Variants in UBE3D observed in about 807,000 individuals in gnomAD.
The protein encoded by UBE3D is E3 ubiquitin-protein ligase E3D.
In UBE3D, 48 loss-of-function variants were observed where a neutral mutation model predicts 49.6. The ratio of observed to expected loss-of-function variants is 0.97; its 90% CI spans 0.77 to 1.23. The LOEUF is 1.23. Ranked by LOEUF, UBE3D falls within the 50% of genes most tolerant of loss-of-function variation. The probability of loss-of-function intolerance (pLI) is 0.00; values close to 1 mark genes in which losing one functional copy is unlikely to be tolerated. For synonymous variants in UBE3D, 189 were observed against 174.2 expected (o/e 1.08, Z -0.67); for missense variants, 452 against 468.4 (o/e 0.96, Z 0.32).
chr6:83,057,799 A>G, intron 2 of UBE3D, 27 bp downstream of exon 2: 1 of 1,609,310 alleles, frequency 6.2e-7, no homozygotes, highest in East Asian at 2.2e-5. Context: ...AGGTAAATAC[A>G]GCAGCAGAAG....
intron 8 of UBE3D, among the ~76,000 whole-genome samples, chr6:82,960,273 C>G (rs1280615025): frequency 6.6e-6 from 1 of 152,132 alleles, no homozygotes; most frequent in East Asian, 1.9e-4. Flanking sequence ...TTTGCTTTTA[C>G]TCATTACATA....
chr6:82,924,554 T>G (rs974621743), intron 9 of UBE3D, among the ~76,000 whole-genome samples: 3 of 152,206 alleles, frequency 2.0e-5, no homozygotes, highest in Non-Finnish European at 4.4e-5. Flanking sequence ...GGAAAGTGAT[T>G]AGGTAATTTG....
At chr6:82,959,355 C>A (rs1435229674) in intron 8 of UBE3D, among the ~76,000 whole-genome samples, 1 of 151,480 alleles carries the variant, frequency 6.6e-6, no homozygotes, top group Non-Finnish European at 1.5e-5. Flanking sequence ...CCGCTCACAA[C>A]AGAAGCAGCT....
At chr6:82,987,269 T>C (rs1398712719) in intron 8 of UBE3D, among the ~76,000 whole-genome samples, 1 of 152,144 alleles carries the variant, frequency 6.6e-6, no homozygotes, top group African/African-American at 2.4e-5. Context: ...CCACCTCAGC[T>C]ACTTGAAGTG....
chr6:83,042,899 T>C (rs1782771579), intron 4 of UBE3D, among the ~76,000 whole-genome samples: 2 of 152,034 alleles, frequency 1.3e-5, no homozygotes, highest in African/African-American at 2.4e-5. Context: ...CCCTCCAAAT[T>C]TATGTTTCTA....
rs1347022694 is a variant in UBE3D, at chr6:83,054,169, C to T, written c.344G>A (p.Gly115Asp). The T allele has an allele frequency of 5.0e-6, 8 of 1,613,916 alleles. No individual in the cohort carries two copies. Among genetic ancestry groups the T allele is most frequent in the Non-Finnish European group, 6.8e-6 (8 of 1,179,898 alleles). The change falls in exon 3 of 10, where the codon GGT (glycine) becomes GAT (aspartate). Residue 115 changes from glycine (G) to aspartate (D), a missense_variant. Coordinates refer to ENST00000369747, the MANE Select transcript of UBE3D (RefSeq NM_198920.3). ...ECCTFYCQSC[G>D]EVIIKDRKLL... ...TTACCTGTCTTTTATTATGACTTCACCGCAGGATTGGCAATAAAACGTGCA... is the reference window on the plus strand; with the variant it reads ...TTACCTGTCTTTTATTATGACTTCATCGCAGGATTGGCAATAAAACGTGCA...
rs563257973 is a variant in UBE3D, at chr6:82,911,030, C to T, written c.1150-17988G>A. On this transcript the variant is annotated intron_variant, in intron 9 of 9. Transcript: ENST00000369747. The stretch of plus-strand genomic sequence containing the variant: ...CATTCTTAGAAGACAAATATAGACA[C>T]CACAGAGGTGATGCATCAGCAGTCT... Among the ~76,000 whole-genome samples the T allele has an allele frequency of 5.9e-5, 9 of 151,966 alleles. No individual in the cohort carries two copies. The East Asian group carries it at 1.5e-3, about 26-fold the overall frequency.
At chr6:83,027,489 A>ATTAACCT (rs1404098177) in intron 5 of UBE3D, among the ~76,000 whole-genome samples, 1 of 145,212 alleles carries the variant, frequency 6.9e-6, no homozygotes, top group Non-Finnish European at 1.5e-5. Flanking sequence ...ATTAACCTAG[A>ATTAACCT]TTAACCTAGT....
chr6:82,885,318 A>G, the UBE3D span, among the ~76,000 whole-genome samples: 1 of 152,080 alleles, frequency 6.6e-6, no homozygotes, highest in African/African-American at 2.4e-5. Context: ...CTAGTGCATC[A>G]CTTTTATGTT....
chr6:83,036,005 T>C (rs1430937830), intron 5 of UBE3D: 1 of 149,200 alleles, frequency 6.7e-6, no homozygotes, highest in African/African-American at 2.5e-5. Context: ...TGATTACATA[T>C]ATTTTTTTGT....
rs185435854 is a variant in UBE3D, at chr6:82,901,358, T to A, written c.1150-8316A>T. On this transcript the variant is annotated intron_variant, in intron 9 of 9. Coordinates refer to ENST00000369747, the MANE Select transcript of UBE3D (RefSeq NM_198920.3). ...TTGACTGACAGTCCCAGGAAACACTTTCAAATAGTCCAGCCCAGTGCTTCT... is the reference window on the plus strand; with the variant it reads ...TTGACTGACAGTCCCAGGAAACACTATCAAATAGTCCAGCCCAGTGCTTCT... 5.9e-5 allele frequency among the ~76,000 whole-genome samples: 9 copies of A among 152,304 alleles called. No individual in the cohort carries two copies. In the East Asian group the frequency reaches 1.3e-3, roughly 23 times the overall value.
At chr6:82,911,002 A>C (rs993076906) in intron 9 of UBE3D, among the ~76,000 whole-genome samples, 1 of 152,120 alleles carries the variant, frequency 6.6e-6, no homozygotes, top group African/African-American at 2.4e-5. Context: ...GAGAGTGATG[A>C]TGCATTCTTA....
chr6:82,912,286 G>A (rs984387828), intron 9 of UBE3D, among the ~76,000 whole-genome samples: 1 of 151,642 alleles, frequency 6.6e-6, no homozygotes, highest in Admixed American at 6.6e-5. Context: ...TGACCTTCGA[G>A]CTTAGTCAGT....
At chr6:83,043,337 A>T (rs1782804102) in intron 4 of UBE3D, among the ~76,000 whole-genome samples, 1 of 151,878 alleles carries the variant, frequency 6.6e-6, no homozygotes, top group Non-Finnish European at 1.5e-5. Context: ...ATATATTTAG[A>T]TTAAAATACA....
chr6:82,970,540 T>A (rs1777272506), intron 8 of UBE3D, among the ~76,000 whole-genome samples: 1 of 152,122 alleles, frequency 6.6e-6, no homozygotes, highest in Non-Finnish European at 1.5e-5. Context: ...GACAATATAG[T>A]TAAAACTAGG....
At chr6:82,949,549 T>C (rs1775641793) in intron 9 of UBE3D, among the ~76,000 whole-genome samples, 1 of 151,802 alleles carries the variant, frequency 6.6e-6, no homozygotes, top group South Asian at 2.1e-4. Flanking sequence ...AGACCCACAA[T>C]AGCCAAAGCC....
chr6:83,018,748 G>GA (rs1297727883), intron 8 of UBE3D: 4 of 511,436 alleles, frequency 7.8e-6, no homozygotes, highest in Non-Finnish European at 1.3e-5. Flanking sequence ...TAGATTACAA[G>GA]AAAAAAACAA....
chr6:82,893,067 A>T (rs142818315), intron 9 of UBE3D, 25 bp from the exon 10 acceptor site: 2 of 1,612,964 alleles, frequency 1.2e-6, no homozygotes, highest in Admixed American at 3.3e-5. Flanking sequence ...AAAACCCACA[A>T]TGCTTTACTT....
chr6:82,983,244 T>C (rs932161652), intron 8 of UBE3D, among the ~76,000 whole-genome samples: 3 of 152,084 alleles, frequency 2.0e-5, no homozygotes, highest in African/African-American at 2.4e-5. Flanking sequence ...GTTATCCTTA[T>C]TGATGCTCAA....
Sources: allele counts gnomAD v4.1 joint callset (sites outside exome capture counted in the v4.1 genomes callset), GRCh38; gene constraint gnomAD v4.1.1; transcripts MANE v1.5; gene names NCBI Gene and HGNC (gene_info 2026-07-23, HGNC 2026-07-21).